BACH2: variants seen among roughly 807,000 people sequenced by gnomAD.
BACH2 encodes the protein BACH transcriptional regulator 2, also known as transcription regulator protein BACH2.
BACH2 carries 5 observed loss-of-function variants against 61.8 expected under a neutral mutation model. The observed-to-expected ratio is 0.08, with a 90% CI of 0.04 to 0.17. BACH2 has a LOEUF of 0.17. Ranked by LOEUF, BACH2 falls within the 10% of genes least tolerant of loss-of-function variation. BACH2 has a pLI of 1.00. For missense variants in BACH2, 824 were observed against 1,091.1 expected (o/e 0.76, Z 3.45); for synonymous variants, 446 against 440.1 (o/e 1.01, Z -0.17).
chr6:90,159,911 G>C (rs1426106961), intron 4 of BACH2, among the ~76,000 whole-genome samples: 5 of 152,158 alleles, frequency 3.3e-5, no homozygotes, highest in African/African-American at 4.8e-5. Flanking sequence ...AAGATTATCT[G>C]AATGGAACAT....
At chr6:90,050,423 C>T (rs1444703579) in intron 5 of BACH2, among the ~76,000 whole-genome samples, 2 of 152,146 alleles carry the variant, frequency 1.3e-5, no homozygotes, top group African/African-American at 4.8e-5. Context: ...AACCTATTAA[C>T]TCTATCCTTG....
intron 2 of BACH2, among the ~76,000 whole-genome samples, chr6:90,260,465 A>G (rs559154561): frequency 9.2e-5 from 14 of 152,172 alleles, no homozygotes; most frequent in Non-Finnish European, 1.8e-4. Flanking sequence ...GGCCTAACAT[A>G]TGGTCTATCC....
chr6:90,095,102 G>A (rs1019174854), intron 4 of BACH2, among the ~76,000 whole-genome samples: 80 of 152,242 alleles, frequency 5.3e-4, no homozygotes, highest in African/African-American at 1.9e-3. Context: ...GAGTGGCCCT[G>A]AAATCCTTAT....
chr6:90,206,543 T>G (rs45483891), intron 4 of BACH2, 26 bp downstream of exon 4: 12,035 of 152,396 alleles, frequency 0.079, 557 homozygotes, highest in South Asian at 0.14. Flanking sequence ...GAAATACAAG[T>G]GCTGATTCCT....
At chr6:90,130,492 C>T (rs963655993) in intron 4 of BACH2, among the ~76,000 whole-genome samples, 1 of 152,140 alleles carries the variant, frequency 6.6e-6, no homozygotes, top group Non-Finnish European at 1.5e-5. Context: ...TGACCCTGAG[C>T]GTGAGTACTT....
At chr6:90,180,577 T>C (rs1342004180) in intron 4 of BACH2, among the ~76,000 whole-genome samples, 10 of 152,176 alleles carry the variant, frequency 6.6e-5, no homozygotes, top group Admixed American at 6.5e-4. Context: ...CCACTCTGTA[T>C]GCCTTTGTGT....
chr6:90,004,134 T>C (rs1337078160), intron 6 of BACH2, among the ~76,000 whole-genome samples: 1 of 152,224 alleles, frequency 6.6e-6, no homozygotes, highest in East Asian at 1.9e-4. Context: ...GAAGATTCCA[T>C]AATTTCCTTG....
chr6:89,946,626 T>G (rs542391331), intron 7 of BACH2, among the ~76,000 whole-genome samples: 1 of 152,330 alleles, frequency 6.6e-6, no homozygotes, highest in African/African-American at 2.4e-5. Flanking sequence ...AAACATGTCT[T>G]GGCCCTGTGT....
At chr6:90,284,158 C>T (rs1350266815) in intron 1 of BACH2, among the ~76,000 whole-genome samples, 2 of 152,088 alleles carry the variant, frequency 1.3e-5, no homozygotes, top group African/African-American at 2.4e-5. Context: ...CACTGTGATA[C>T]GAAGCTAAGA....
At chr6:90,086,284 C>T (rs1428409470) in intron 5 of BACH2, among the ~76,000 whole-genome samples, 3 of 152,140 alleles carry the variant, frequency 2.0e-5, no homozygotes, top group Non-Finnish European at 2.9e-5. Context: ...AATAATGCTG[C>T]TATGAACATG....
intron 4 of BACH2, among the ~76,000 whole-genome samples, chr6:90,120,427 A>G (rs1015395531): frequency 6.6e-6 from 1 of 152,238 alleles, no homozygotes; most frequent in Admixed American, 6.5e-5. Flanking sequence ...GGAAAATCAA[A>G]TAAGTACAAG....
intron 5 of BACH2, among the ~76,000 whole-genome samples, chr6:90,060,032 G>A (rs1160688121): frequency 1.3e-5 from 2 of 149,826 alleles, no homozygotes; most frequent in African/African-American, 4.9e-5. Flanking sequence ...GCTAAATGAC[G>A]AGTTAATGGG....
chr6:90,288,622 T>C (rs1441532008), intron 1 of BACH2, among the ~76,000 whole-genome samples: 1 of 152,142 alleles, frequency 6.6e-6, no homozygotes, highest in Non-Finnish European at 1.5e-5. Context: ...CTGAGTCCTT[T>C]AAAACCATTC....
At chr6:90,256,303 T>C (rs1213676402) in intron 2 of BACH2, among the ~76,000 whole-genome samples, 1 of 152,194 alleles carries the variant, frequency 6.6e-6, no homozygotes, top group Non-Finnish European at 1.5e-5. Flanking sequence ...TACCACGAAA[T>C]ATAAGTGAAA....
intron 1 of BACH2, among the ~76,000 whole-genome samples, chr6:90,294,697 G>A (rs1772282890): frequency 1.3e-5 from 2 of 152,146 alleles, no homozygotes; most frequent in African/African-American, 2.4e-5. Context: ...AGGTGCCCGA[G>A]AACCAGGGTG....
At chr6:90,246,210 C>T (rs1030948833) in intron 3 of BACH2, among the ~76,000 whole-genome samples, 1 of 152,182 alleles carries the variant, frequency 6.6e-6, no homozygotes, top group Non-Finnish European at 1.5e-5. Flanking sequence ...CTCTACTACA[C>T]TCCCTTGACC....
At chr6:90,239,654 G>A (rs760563601) in intron 3 of BACH2, among the ~76,000 whole-genome samples, 3 of 152,080 alleles carry the variant, frequency 2.0e-5, no homozygotes, top group South Asian at 2.1e-4. Flanking sequence ...TATAAATCTC[G>A]TCTATATGAC....
At chr6:90,128,976 A>G (rs1228978424) in intron 4 of BACH2, among the ~76,000 whole-genome samples, 1 of 151,450 alleles carries the variant, frequency 6.6e-6, no homozygotes, top group East Asian at 2.0e-4. Context: ...AAAACCAAAC[A>G]CCGCATGTTC....
At chr6:89,963,837 C>T (rs577803711) in intron 6 of BACH2, among the ~76,000 whole-genome samples, 1 of 152,282 alleles carries the variant, frequency 6.6e-6, no homozygotes, top group East Asian at 1.9e-4. Context: ...ACTGGATCAA[C>T]AAAATGTGGT....
Sources: gnomAD v4.1 joint callset for allele counts (sites outside exome capture counted in the v4.1 genomes callset) on GRCh38, gnomAD v4.1.1 for gene constraint, MANE v1.5 for transcripts, NCBI Gene and HGNC (gene_info 2026-07-23, HGNC 2026-07-21) for gene names.